The following SYT10 variants were observed in gnomAD, a reference collection of about 807,000 sequenced individuals.
The protein encoded by SYT10 is synaptotagmin 10.
In SYT10, 31 loss-of-function variants were observed where a neutral mutation model predicts 51.1. That is an observed-to-expected ratio of 0.61 (90% CI 0.46 to 0.82). The LOEUF (loss-of-function observed/expected upper bound fraction) is 0.82, where lower values mean the gene tolerates loss of function less well. Ranked by LOEUF, SYT10 falls within the 40% of genes least tolerant of loss-of-function variation. The pLI, the probability that SYT10 is intolerant of heterozygous loss-of-function variation, is 0.00. For missense variants in SYT10, 603 were observed against 634.0 expected (o/e 0.95, Z 0.53); for synonymous variants, 233 against 225.9 (o/e 1.03, Z -0.28).
At chr12:33,426,581 T>C (rs924194907) in intron 1 of SYT10, 86 bp from the exon 2 acceptor site, 5 of 1,139,960 alleles carry the variant, frequency 4.4e-6, no homozygotes, top group Non-Finnish European at 4.8e-6. Context: ...TCATAATTGT[T>C]ATTATTTCCT....
Position 33,379,943 on chromosome 12 carries a change from G to A in SYT10, c.1389C>T (p.Val463=), listed in dbSNP as rs1866099703. The change falls in exon 6 of 7, where the codon GTC becomes GTT. Residue 463 remains valine (V), a synonymous_variant. Coordinates refer to ENST00000228567, the MANE Select transcript of SYT10 (RefSeq NM_198992.4). ...MDYDRVGHNE[V]IGVCRTGLDA... ...CCAGTCCTGTTCTGCACACTCCTAT[G>A]ACCTCATTGTGTCCTACCCTATGAT... 6.2e-7 allele frequency: 1 copy of A among 1,613,418 alleles called. No individual in the cohort carries two copies. The highest frequency in any genetic ancestry group is 8.5e-7 in the Non-Finnish European group (1 of 1,179,618).
chr12:33,427,317 A>G (rs1866561340), intron 1 of SYT10, among the ~76,000 whole-genome samples: 1 of 152,136 alleles, frequency 6.6e-6, no homozygotes. Flanking sequence ...GAACCAGGAA[A>G]TGGGCCGATG....
At chr12:33,432,988 T>C (rs1051923911) in intron 1 of SYT10, 9 of 152,118 alleles carry the variant, frequency 5.9e-5, no homozygotes, top group African/African-American at 2.2e-4. Context: ...CTACTTTTTT[T>C]CCCCAATAGT....
At chr12:33,408,546 A>G (rs1866378912) in intron 2 of SYT10, among the ~76,000 whole-genome samples, 1 of 152,210 alleles carries the variant, frequency 6.6e-6, no homozygotes, top group Non-Finnish European at 1.5e-5. Flanking sequence ...CAAACTACCC[A>G]TCTCCTCAAA....
intron 2 of SYT10, among the ~76,000 whole-genome samples, chr12:33,417,228 G>T (rs1269113138): frequency 6.6e-6 from 1 of 152,092 alleles, no homozygotes; most frequent in Non-Finnish European, 1.5e-5. Context: ...TAGGGCATAA[G>T]GGCTCTGCCT....
At position 33,379,818 on chromosome 12, in the gene SYT10, A is replaced by T; in HGVS notation, c.1500+14T>A. ...ACAACAAAAAGAGCAGACGTAAGGA[A>T]CTCACAAGCTTACCTCCAGCAATGG... On this transcript the variant is annotated intron_variant, in intron 6 of 6. Transcript: ENST00000228567. The T allele has an allele frequency of 6.2e-7, 1 of 1,613,614 alleles. No homozygotes were observed. Among genetic ancestry groups the T allele is most frequent in the Non-Finnish European group, 8.5e-7 (1 of 1,179,730 alleles).
At chr12:33,407,676 G>C (rs1336762716) in intron 2 of SYT10, 1 of 222,224 alleles carries the variant, frequency 4.5e-6, no homozygotes, top group Non-Finnish European at 8.8e-6. Context: ...TGCTATTATA[G>C]CTCACTGTAG....
chr12:33,404,186 G>A (rs1476864917), intron 3 of SYT10, among the ~76,000 whole-genome samples: 4 of 152,118 alleles, frequency 2.6e-5, no homozygotes, highest in African/African-American at 9.7e-5. Flanking sequence ...CTTTGTGGAT[G>A]TGATTAAGAT....
At position 33,403,742 on chromosome 12, in the gene SYT10, G is replaced by A. The variant is rs76513507; in HGVS notation, c.1077+3047C>T. 4.1e-3 allele frequency among the ~76,000 whole-genome samples: 624 copies of A among 151,858 alleles called. 4 individuals are homozygous for A. The highest frequency in any genetic ancestry group is 6.7e-3 in the Non-Finnish European group (454 of 67,966). ...CATGAAATTCTTAAAAATTAATGACGTGTGAATAGAAAAAGAAAGTTTCTT... is the reference window on the plus strand; with the variant it reads ...CATGAAATTCTTAAAAATTAATGACATGTGAATAGAAAAAGAAAGTTTCTT... On this transcript the variant is annotated intron_variant, in intron 3 of 6. Transcript: ENST00000228567.
rs1332268598 is a variant in SYT10 at position 33,375,643 on chromosome 12, T to A, written c.*1187A>T. ...GAACCTTGATCCTTATGAAGGCAAA[T>A]GCCTTTCATGCAAGGACTGGAGGCC... On this transcript the variant is annotated 3_prime_UTR_variant, in exon 7 of 7. Transcript: ENST00000228567. The A allele has an allele frequency of 6.6e-6, 1 of 152,158 alleles. No individual in the cohort carries two copies. The highest frequency in any genetic ancestry group is 1.9e-4 in the East Asian group (1 of 5,200). 9.4% of individuals were successfully genotyped at this position (152,158 alleles called of 1,614,324 possible). A position where few individuals can be genotyped will look rare whatever the true frequency, so the allele number is the denominator to read the frequency against.
chr12:33,423,690 T>TTC (rs1242622442), intron 2 of SYT10, among the ~76,000 whole-genome samples: 4 of 152,148 alleles, frequency 2.6e-5, no homozygotes, highest in Admixed American at 2.6e-4. Flanking sequence ...GATGCTGTTA[T>TTC]TCTCCAGCCT....
At chr12:33,383,223 C>T (rs939253122) in intron 4 of SYT10, among the ~76,000 whole-genome samples, 6 of 152,050 alleles carry the variant, frequency 3.9e-5, no homozygotes, top group Admixed American at 6.6e-5. Flanking sequence ...AAAGCAGGCA[C>T]GGTTTTGGGA....
At chr12:33,396,986 T>G (rs1357788491) in intron 3 of SYT10, among the ~76,000 whole-genome samples, 1 of 152,078 alleles carries the variant, frequency 6.6e-6, no homozygotes, top group Non-Finnish European at 1.5e-5. Context: ...TGTAATAAAG[T>G]GTAGAGTGTT....
chr12:33,410,352 T>A (rs1866394732), intron 2 of SYT10, among the ~76,000 whole-genome samples: 1 of 152,236 alleles, frequency 6.6e-6, no homozygotes, highest in South Asian at 2.1e-4. Context: ...TGTTGAGCAG[T>A]AATTCAAAAA....
Position 33,429,400 on chromosome 12 carries a change from C to T in SYT10, c.152-2905G>A, listed in dbSNP as rs148987174. On this transcript the variant is annotated intron_variant, in intron 1 of 6. Transcript: ENST00000228567. ...GCATGAGAAAAGTTTGAAATAAGAA[C>T]TATAGAGAATAGGAGAAACTTGAAT... Among the ~76,000 whole-genome samples, 1,492 of 152,224 alleles carry T rather than the reference C, an allele frequency of 9.8e-3. 13 individuals are homozygous for T. The highest frequency in any genetic ancestry group is 0.019 in the East Asian group (96 of 5,176).
intron 1 of SYT10, among the ~76,000 whole-genome samples, chr12:33,429,052 G>A (rs541066589): frequency 6.6e-6 from 1 of 152,152 alleles, no homozygotes. Flanking sequence ...TTTTCATTAG[G>A]ATTTGCAATA....
chr12:33,377,275 C>T (rs1302835950), intron 6 of SYT10, among the ~76,000 whole-genome samples: 8 of 151,022 alleles, frequency 5.3e-5, no homozygotes, highest in Middle Eastern at 3.4e-3. Context: ...TGGGTTTAAG[C>T]GATTCTCTTG....
chr12:33,401,762 T>G (rs932224396), intron 3 of SYT10, among the ~76,000 whole-genome samples: 1 of 152,190 alleles, frequency 6.6e-6, no homozygotes, highest in African/African-American at 2.4e-5. Flanking sequence ...TGTTTTTTCC[T>G]CTGGTAGTGG....
chr12:33,435,027 A>C (rs1866626850), intron 1 of SYT10, among the ~76,000 whole-genome samples: 1 of 152,222 alleles, frequency 6.6e-6, no homozygotes, highest in African/African-American at 2.4e-5. Flanking sequence ...AAATTACATT[A>C]AACATTTATG....
Sources: gnomAD v4.1 joint callset for allele counts (sites outside exome capture counted in the v4.1 genomes callset) on GRCh38, gnomAD v4.1.1 for gene constraint, MANE v1.5 for transcripts, NCBI Gene and HGNC (gene_info 2026-07-23, HGNC 2026-07-21) for gene names.